The following SMAP1 variants were observed in gnomAD, a reference collection of about 807,000 sequenced individuals.
SMAP1 encodes small ArfGAP 1.
In SMAP1, 24 loss-of-function variants were observed where a neutral mutation model predicts 58.5. That is an observed-to-expected ratio of 0.41 (90% CI 0.30 to 0.58). The LOEUF is 0.58. Among genes scored for constraint, SMAP1 ranks in the 20% least tolerant of loss-of-function variants. SMAP1 has a pLI of 0.29. For synonymous variants in SMAP1, 216 were observed against 196.6 expected, an observed-to-expected ratio of 1.10 and a Z score of -0.82; for missense variants, 563 against 566.3, an observed-to-expected ratio of 0.99 and a Z score of 0.06.
intron 6 of SMAP1, among the ~76,000 whole-genome samples, chr6:70,817,047 C>A (rs993062570): frequency 6.6e-6 from 1 of 151,476 alleles, no homozygotes; most frequent in African/African-American, 2.4e-5. Flanking sequence ...CACTTCCAAT[C>A]GGTAGATTTT....
At chr6:70,771,075 A>C (rs1451792574) in intron 3 of SMAP1, among the ~76,000 whole-genome samples, 1 of 152,166 alleles carries the variant, frequency 6.6e-6, no homozygotes, top group Non-Finnish European at 1.5e-5. Context: ...ATTTTCGTGA[A>C]CCATGAATGC....
chr6:70,700,936 T>G (rs1289680651), intron 1 of SMAP1, among the ~76,000 whole-genome samples: 1 of 152,150 alleles, frequency 6.6e-6, no homozygotes, highest in Non-Finnish European at 1.5e-5. Context: ...ATCGGGGAGC[T>G]AGGTCCTGGA....
At chr6:70,737,310 T>C (rs1765653925) in intron 2 of SMAP1, among the ~76,000 whole-genome samples, 1 of 151,492 alleles carries the variant, frequency 6.6e-6, no homozygotes, top group Non-Finnish European at 1.5e-5. Flanking sequence ...CCTGGCTAAA[T>C]TTTTTTTTGT....
At chr6:70,806,183 C>T (rs1769121011) in intron 6 of SMAP1, among the ~76,000 whole-genome samples, 1 of 152,200 alleles carries the variant, frequency 6.6e-6, no homozygotes, top group African/African-American at 2.4e-5. Flanking sequence ...GCTTCCCAGC[C>T]ACTTTGTTTA....
At chr6:70,808,118 G>T (rs1012532908) in intron 6 of SMAP1, among the ~76,000 whole-genome samples, 2 of 152,124 alleles carry the variant, frequency 1.3e-5, no homozygotes, top group Non-Finnish European at 2.9e-5. Flanking sequence ...TGACTGAGGG[G>T]GAAGAAGAAG....
Position 70,857,940 on chromosome 6 carries a change from C to G in SMAP1, c.980C>G (p.Thr327Arg), listed in dbSNP as rs1281126933. The change falls in exon 10 of 11, where the codon ACA becomes AGA. Residue 327 changes from threonine to arginine, a missense_variant. By Grantham distance (71) the Thr-to-Arg change is moderately conservative (BLOSUM62 -1). Around this residue, in one of 3 missense-constraint regions of SMAP1, gnomAD observed 494 missense variants for 473.8 expected, o/e 1.04. Transcript: ENST00000370455. The part of the protein sequence containing the change: ...QSTPGVFMGP[T>R]NIPFTSQAPA... ...GGTGCAGGTGTATTTATGGGACCCA[C>G]AAATATACCATTTACCTCACAAGCA... is the stretch of plus-strand genomic sequence containing the variant. 1.9e-6 allele frequency: 3 copies of G among 1,614,032 alleles called. No homozygotes were observed. The highest frequency in any genetic ancestry group is 2.5e-6 in the Non-Finnish European group (3 of 1,179,962).
intron 6 of SMAP1, among the ~76,000 whole-genome samples, chr6:70,828,951 T>A (rs1236648621): frequency 6.6e-6 from 1 of 152,106 alleles, no homozygotes; most frequent in Non-Finnish European, 1.5e-5. Context: ...GAGGCTGAGG[T>A]AGAAGGATCA....
In SMAP1 at chr6:70,770,671, C is replaced by T. The variant is rs1290514388; in HGVS notation, c.339-2679C>T. Among the ~76,000 whole-genome samples, 7 of 152,198 alleles carry T rather than the reference C, an allele frequency of 4.6e-5. No homozygotes were observed. In the Middle Eastern group the frequency reaches 0.014, roughly 296 times the overall value. ...TCGTCTGAATTTTTTTCACAGTTTT[C>T]AACTTCTTTGCCTTTGGTTTGAATT... On this transcript the variant is annotated intron_variant, in intron 3 of 10. Transcript: ENST00000370455.
In SMAP1 at chr6:70,861,547, G is replaced by C; in HGVS notation, c.*1213G>C. 3 of 854,602 alleles carry C rather than the reference G, an allele frequency of 3.5e-6. No individual in the cohort carries two copies. Among genetic ancestry groups the C allele is most frequent in the African/African-American group, 1.7e-5 (1 of 59,200 alleles). The allele number at this position is 854,602 out of a possible 1,614,324, so 52.9% of individuals were successfully genotyped here. A position where few individuals can be genotyped will look rare whatever the true frequency, so the allele number is the denominator to read the frequency against. On this transcript the variant is annotated 3_prime_UTR_variant, in exon 11 of 11. Coordinates refer to ENST00000370455, the MANE Select transcript of SMAP1 (RefSeq NM_001044305.3). Reference sequence around the variant, plus strand: ...CAGATGTCCATCAGATGACAAGAAAGGCTGCTGTACTGAAGTAAAACAAAC... The same window carrying C: ...CAGATGTCCATCAGATGACAAGAAACGCTGCTGTACTGAAGTAAAACAAAC...
intron 5 of SMAP1, among the ~76,000 whole-genome samples, chr6:70,798,430 C>T (rs1272810262): frequency 2.6e-5 from 4 of 151,802 alleles, no homozygotes; most frequent in Non-Finnish European, 4.4e-5. Context: ...ATTGTCTTAC[C>T]GCTGTGCCTC....
chr6:70,701,106 A>G (rs958262061), intron 1 of SMAP1, among the ~76,000 whole-genome samples: 3 of 151,962 alleles, frequency 2.0e-5, no homozygotes, highest in Non-Finnish European at 4.4e-5. Context: ...GGATTGGGGG[A>G]GTGGTGATGC....
At chr6:70,812,672 A>G (rs541825127) in intron 6 of SMAP1, among the ~76,000 whole-genome samples, 1 of 152,326 alleles carries the variant, frequency 6.6e-6, no homozygotes, top group African/African-American at 2.4e-5. Context: ...TTAAAAGATA[A>G]TCAATTGCTT....
chr6:70,757,051 G>A (rs963308768), intron 3 of SMAP1, among the ~76,000 whole-genome samples: 3 of 152,134 alleles, frequency 2.0e-5, no homozygotes, highest in Admixed American at 6.6e-5. Flanking sequence ...AAAAGAGCCG[G>A]CATTGCCAAG....
chr6:70,724,341 C>T (rs913724935), intron 1 of SMAP1, among the ~76,000 whole-genome samples: 12 of 152,142 alleles, frequency 7.9e-5, no homozygotes, highest in South Asian at 4.2e-4. Context: ...GGACTACAGA[C>T]GCCTGCCACA....
chr6:70,852,795 G>A, intron 8 of SMAP1, 131 bp downstream of exon 8: 1 of 1,121,924 alleles, frequency 8.9e-7, no homozygotes, highest in Non-Finnish European at 1.2e-6. Flanking sequence ...TTAGGCTAGA[G>A]TTTAGCAAAC....
chr6:70,858,314 T>C lies in SMAP1; in HGVS notation c.1269+85T>C, dbSNP rs1046801484. 6.4e-6 allele frequency: 6 copies of C among 939,478 alleles called. No homozygotes were observed. In the African/African-American group the frequency reaches 8.7e-5, roughly 14 times the overall value. 58.2% of individuals were successfully genotyped at this position (939,478 alleles called of 1,614,324 possible). ...TTTTTTTTTTTTTTTTTTTTTTTTTTTAAGTCTAGTGATCTGGCAGAAAGA... is the reference window on the plus strand; with the variant it reads ...TTTTTTTTTTTTTTTTTTTTTTTTTCTAAGTCTAGTGATCTGGCAGAAAGA... On this transcript the variant is annotated intron_variant, in intron 10 of 10. Transcript: ENST00000370455.
At chr6:70,677,181 T>C (rs1419351987) in intron 1 of SMAP1, among the ~76,000 whole-genome samples, 1 of 134,244 alleles carries the variant, frequency 7.4e-6, no homozygotes, top group Non-Finnish European at 1.6e-5. Context: ...ATATATATAA[T>C]TTTTTTTTTT....
rs541830592 is a variant in SMAP1 at position 70,715,527 on chromosome 6, T to G, written c.119-16851T>G. ...TGTGTTTTTAGTCCCTTTCTTTCTC[T>G]CTTCTGCAACTCTGATAATGCCTAT... On this transcript the variant is annotated intron_variant, in intron 1 of 10. Transcript: ENST00000370455. Among the ~76,000 whole-genome samples the G allele has an allele frequency of 2.0e-5, 3 of 152,316 alleles. No homozygotes were observed. In the East Asian group the frequency reaches 5.8e-4, roughly 29 times the overall value.
intron 1 of SMAP1, among the ~76,000 whole-genome samples, chr6:70,700,511 A>G (rs539225890): frequency 3.3e-5 from 5 of 152,272 alleles, no homozygotes; most frequent in African/African-American, 1.2e-4. Context: ...TTGGCCAGAC[A>G]GGTCTCAAAC....
Sources: gnomAD v4.1 joint callset for allele counts (sites outside exome capture counted in the v4.1 genomes callset) on GRCh38, gnomAD v4.1.1 for gene constraint, gnomAD v4.1.1 regional missense constraint, MANE v1.5 for transcripts, NCBI Gene and HGNC (gene_info 2026-07-23, HGNC 2026-07-21) for gene names.